Variants in ST7 observed in about 807,000 individuals in gnomAD.
ST7 encodes the protein suppression of tumorigenicity 7.
Under a neutral mutation model 78.7 loss-of-function variants are expected in ST7, and 28 were observed. The ratio of observed to expected loss-of-function variants is 0.36; its 90% CI spans 0.26 to 0.49. The LOEUF is 0.49. ST7 is among the 20% of genes least tolerant of loss of function. ST7 has a pLI of 0.99. For missense variants in ST7, 418 were observed against 696.0 expected, an observed-to-expected ratio of 0.60 and a Z score of 4.49; for synonymous variants, 247 against 249.6, an observed-to-expected ratio of 0.99 and a Z score of 0.10.
chr7:116,992,126 G>C (rs1254069166), intron 1 of ST7, among the ~76,000 whole-genome samples: 2 of 152,194 alleles, frequency 1.3e-5, no homozygotes, highest in African/African-American at 4.8e-5. Context: ...GGCTGTTCCA[G>C]GTTCATGATG....
intron 1 of ST7, among the ~76,000 whole-genome samples, chr7:117,012,231 T>C (rs1415305065): frequency 2.0e-5 from 3 of 152,172 alleles, no homozygotes; most frequent in Admixed American, 1.3e-4. Context: ...GGAACTGAAC[T>C]GTTTGGCCCA....
intron 1 of ST7, among the ~76,000 whole-genome samples, chr7:117,050,988 A>ATTTTTT (rs1797764261): frequency 6.6e-6 from 1 of 152,080 alleles, no homozygotes; most frequent in African/African-American, 2.4e-5. Context: ...AGTTTTTCAA[A>ATTTTTT]TTTTTGTAAA....
intron 1 of ST7, among the ~76,000 whole-genome samples, chr7:117,092,636 T>C (rs1426868302): frequency 6.6e-6 from 1 of 152,184 alleles, no homozygotes; most frequent in Admixed American, 6.5e-5. Flanking sequence ...TGATATTCTC[T>C]ATTATCACAT....
intron 1 of ST7, among the ~76,000 whole-genome samples, chr7:116,955,619 C>T (rs1792428288): frequency 6.6e-6 from 1 of 152,184 alleles, no homozygotes; most frequent in Non-Finnish European, 1.5e-5. Flanking sequence ...TTATTACACA[C>T]TTAAAATTTT....
At chr7:117,129,653 T>G in intron 3 of ST7, 140 bp from the exon 4 acceptor site, 3 of 706,860 alleles carry the variant, frequency 4.2e-6, no homozygotes, top group Non-Finnish European at 7.2e-6. Context: ...CCACCCAGAG[T>G]TTTTCCACAT....
At chr7:117,039,140 G>T (rs979113684) in intron 1 of ST7, among the ~76,000 whole-genome samples, 2 of 151,910 alleles carry the variant, frequency 1.3e-5, no homozygotes, top group African/African-American at 4.8e-5. Flanking sequence ...CATTCTTCAG[G>T]TTAAATCTTT....
At chr7:117,119,899 G>A (rs1803222056) in intron 3 of ST7, among the ~76,000 whole-genome samples, 179 bp downstream of exon 3, 1 of 151,946 alleles carries the variant, frequency 6.6e-6, no homozygotes, top group African/African-American at 2.4e-5. Context: ...AAACATCCTA[G>A]GGAAAGGAAA....
At chr7:117,158,512 G>A (rs1212389178) in intron 9 of ST7, among the ~76,000 whole-genome samples, 2 of 152,210 alleles carry the variant, frequency 1.3e-5, no homozygotes, top group African/African-American at 2.4e-5. Context: ...AATGATGGAT[G>A]CATTTACTTA....
intron 1 of ST7, among the ~76,000 whole-genome samples, chr7:117,031,992 C>T (rs1323586740): frequency 1.3e-5 from 2 of 151,090 alleles, no homozygotes; most frequent in South Asian, 4.2e-4. Flanking sequence ...AGCAATTCTC[C>T]TGCCTCAGCC....
At chr7:117,097,908 A>ATATCTATATATATATATATTTTTT in intron 1 of ST7, among the ~76,000 whole-genome samples, 1 of 30,020 alleles carries the variant, frequency 3.3e-5, no homozygotes, top group Middle Eastern at 0.026. Flanking sequence ...ATATATATAT[A>ATATCTATATATATATATATTTTTT]TTTTTTTTTT....
intron 1 of ST7, among the ~76,000 whole-genome samples, chr7:116,975,431 G>A (rs922955382): frequency 7.6e-4 from 115 of 151,674 alleles, no homozygotes; most frequent in African/African-American, 2.6e-3. Flanking sequence ...TTTTTGAGAT[G>A]GAATCTCGCT....
chr7:117,214,559 C>T (rs1792539402), intron 13 of ST7, among the ~76,000 whole-genome samples: 1 of 152,174 alleles, frequency 6.6e-6, no homozygotes, highest in African/African-American at 2.4e-5. Context: ...CCACCACCCT[C>T]CCCCATAGAT....
Position 117,219,172 on chromosome 7 carries a change from T to G in ST7, c.1494T>G (p.Leu498=). 1 of 1,611,866 alleles carries G rather than the reference T, an allele frequency of 6.2e-7. No homozygotes were observed. Among genetic ancestry groups the G allele is most frequent in the South Asian group, 1.1e-5 (1 of 90,602 alleles). ...ICTETADREL[L]PSFHEVSVYP... ...CAGAAACAGCAGACCGAGAGCTGCT[T>G]CCATGTAAGTCTCACCTCTCTTCAG... is the stretch of plus-strand genomic sequence containing the variant. The change falls in exon 14 of 16, where the codon CTT becomes CTG. Residue 498 remains leucine, a synonymous_variant. Coordinates refer to ENST00000323984, the MANE Select transcript of ST7 (RefSeq NM_001369598.1). This position sits in a 1 kb window ranked among gnomAD's most constrained non-coding sequence, Gnocchi z 5.1.
chr7:117,130,697 T>C, intron 5 of ST7, 91 bp downstream of exon 5: 1 of 817,604 alleles, frequency 1.2e-6, no homozygotes, highest in Non-Finnish European at 1.9e-6. Context: ...TCTGTAAAAC[T>C]CCAATGAATA....
intron 1 of ST7, among the ~76,000 whole-genome samples, chr7:116,990,112 A>AT (rs1794360854): frequency 6.6e-6 from 1 of 151,798 alleles, no homozygotes; most frequent in African/African-American, 2.4e-5. Context: ...AATTTTTTGT[A>AT]TTTTTAGTAG....
intron 1 of ST7, among the ~76,000 whole-genome samples, chr7:116,996,726 T>C (rs1325882615): frequency 1.3e-5 from 2 of 152,194 alleles, no homozygotes; most frequent in African/African-American, 2.4e-5. Flanking sequence ...AATGAATAAC[T>C]CCCTTTTGCC....
chr7:117,172,814 T>C (rs992583927), intron 10 of ST7, among the ~76,000 whole-genome samples: 1 of 152,236 alleles, frequency 6.6e-6, no homozygotes, highest in South Asian at 2.1e-4. Flanking sequence ...TCTGATGTTA[T>C]CAAGCCTTCA....
chr7:117,182,966 AG>A (rs2117337128), intron 10 of ST7, among the ~76,000 whole-genome samples: 1 of 152,246 alleles, frequency 6.6e-6, no homozygotes, highest in South Asian at 2.1e-4. Context: ...TTCTTATGGA[AG>A]GTGTAAGTGA....
chr7:116,998,746 C>T (rs540838236), intron 1 of ST7, among the ~76,000 whole-genome samples: 46 of 152,262 alleles, frequency 3.0e-4, no homozygotes, highest in Non-Finnish European at 5.4e-4. Context: ...GAGAACTAAG[C>T]GAATATGTAA....
Sources: gnomAD v4.1 joint callset for allele counts (sites outside exome capture counted in the v4.1 genomes callset) on GRCh38, gnomAD v4.1.1 for gene constraint, Gnocchi (gnomAD v3.1) non-coding constraint, MANE v1.5 for transcripts, NCBI Gene and HGNC (gene_info 2026-07-23, HGNC 2026-07-21) for gene names.